Variants in GRIK1 observed in about 807,000 individuals in gnomAD.
GRIK1 encodes glutamate receptor ionotropic, kainate 1.
GRIK1 carries 69 observed loss-of-function variants against 105.7 expected under a neutral mutation model. The ratio of observed to expected loss-of-function variants is 0.65; its 90% confidence interval spans 0.54 to 0.80. The LOEUF is 0.80. GRIK1 is among the 30% of genes least tolerant of loss of function. The probability of loss-of-function intolerance (pLI) is 0.00; values close to 1 mark genes in which losing one functional copy is unlikely to be tolerated. For missense variants in GRIK1, 1,109 were observed against 1,167.3 expected (o/e 0.95, Z 0.73); for synonymous variants, 438 against 431.3 (o/e 1.02, Z -0.19).
chr21:29,603,523 A>T (rs1202699809), intron 7 of GRIK1, among the ~76,000 whole-genome samples: 3 of 152,146 alleles, frequency 2.0e-5, no homozygotes, highest in Non-Finnish European at 2.9e-5. Context: ...TGGGACAAAA[A>T]CTATCAGCAA....
At chr21:29,605,162 G>T (rs141724493) in intron 7 of GRIK1, among the ~76,000 whole-genome samples, 2 of 151,972 alleles carry the variant, frequency 1.3e-5, no homozygotes, top group Admixed American at 6.6e-5. Flanking sequence ...TCATCCCATC[G>T]CCTAAGTATT....
chr21:29,650,915 C>T (rs941034847), intron 6 of GRIK1, among the ~76,000 whole-genome samples: 10 of 152,190 alleles, frequency 6.6e-5, no homozygotes, highest in East Asian at 1.9e-4. Context: ...GGGGCAAGTA[C>T]ATCCAGGAAG....
chr21:29,647,986 A>T (rs761492299), intron 6 of GRIK1, among the ~76,000 whole-genome samples: 1 of 152,130 alleles, frequency 6.6e-6, no homozygotes, highest in Non-Finnish European at 1.5e-5. Flanking sequence ...GTCTGGTGTC[A>T]AGACTTTTTG....
intron 1 of GRIK1, among the ~76,000 whole-genome samples, chr21:29,923,429 G>C (rs763636545): frequency 1.3e-5 from 2 of 152,178 alleles, no homozygotes; most frequent in Non-Finnish European, 2.9e-5. Flanking sequence ...AACTCAATTT[G>C]TAGCTCAGCA....
intron 1 of GRIK1, among the ~76,000 whole-genome samples, chr21:29,773,990 C>T (rs557330849): frequency 6.6e-6 from 1 of 152,244 alleles, no homozygotes; most frequent in South Asian, 2.1e-4. Context: ...TGTAGCCAGA[C>T]CATATCTCTA....
At chr21:29,811,325 C>T (rs191771838) in intron 1 of GRIK1, among the ~76,000 whole-genome samples, 7 of 152,132 alleles carry the variant, frequency 4.6e-5, no homozygotes, top group East Asian at 1.9e-4. Flanking sequence ...GCACTCTGTC[C>T]GTAATAACTC....
chr21:29,888,155 TTTC>T (rs1253847369), intron 1 of GRIK1, among the ~76,000 whole-genome samples: 1 of 83,396 alleles, frequency 1.2e-5, no homozygotes, highest in Non-Finnish European at 2.4e-5. Context: ...CCCTCCCTCC[TTTC>T]TTTTTTCTTT....
chr21:29,600,083 TAAAACA>T (rs1211161911), intron 7 of GRIK1, among the ~76,000 whole-genome samples: 1 of 152,160 alleles, frequency 6.6e-6, no homozygotes, highest in Non-Finnish European at 1.5e-5. Flanking sequence ...AGACTCCGTC[TAAAACA>T]AAAACAAAAA....
intron 1 of GRIK1, among the ~76,000 whole-genome samples, chr21:29,865,808 T>C (rs2068782643): frequency 6.6e-6 from 1 of 152,232 alleles, no homozygotes; most frequent in African/African-American, 2.4e-5. Context: ...ACCAAGTCAT[T>C]CCAGTTTTCA....
chr21:29,818,888 G>A (rs2067225542), intron 1 of GRIK1, among the ~76,000 whole-genome samples: 1 of 152,050 alleles, frequency 6.6e-6, no homozygotes, highest in Non-Finnish European at 1.5e-5. Flanking sequence ...CTATGAATGT[G>A]GAATATGGCC....
At chr21:29,795,384 G>T (rs1817859632) in intron 1 of GRIK1, among the ~76,000 whole-genome samples, 1 of 151,882 alleles carries the variant, frequency 6.6e-6, no homozygotes, top group Non-Finnish European at 1.5e-5. Flanking sequence ...ATTTTTCCCT[G>T]ATCTTTTACA....
At chr21:29,690,426 T>G (rs2063564226) in intron 2 of GRIK1, among the ~76,000 whole-genome samples, 1 of 152,344 alleles carries the variant, frequency 6.6e-6, no homozygotes, top group African/African-American at 2.4e-5. Flanking sequence ...GTAGAACCTC[T>G]CGGTAACTAC....
At chr21:29,792,756 T>A (rs1362017305) in intron 1 of GRIK1, among the ~76,000 whole-genome samples, 1 of 152,194 alleles carries the variant, frequency 6.6e-6, no homozygotes, top group African/African-American at 2.4e-5. Flanking sequence ...AGTTGCAAGG[T>A]ACACCTATTC....
chr21:29,650,531 C>A (rs1345026828), intron 6 of GRIK1, among the ~76,000 whole-genome samples: 1 of 152,138 alleles, frequency 6.6e-6, no homozygotes, highest in African/African-American at 2.4e-5. Context: ...TGAGGCAGTT[C>A]GCAATGTATC....
intron 1 of GRIK1, among the ~76,000 whole-genome samples, chr21:29,778,118 C>A (rs767256877): frequency 6.6e-6 from 1 of 152,128 alleles, no homozygotes. Flanking sequence ...TAGAACCTAG[C>A]GTGCAGTTCT....
chr21:29,932,928 AAAC>A (rs1468545792), intron 1 of GRIK1, among the ~76,000 whole-genome samples: 2 of 151,772 alleles, frequency 1.3e-5, no homozygotes, highest in Non-Finnish European at 2.9e-5. Flanking sequence ...GTAAAAAAAA[AAAC>A]GAGAAAAAGA....
intron 1 of GRIK1, among the ~76,000 whole-genome samples, chr21:29,772,440 T>C (rs1400290805): frequency 2.0e-5 from 3 of 152,238 alleles, no homozygotes; most frequent in Non-Finnish European, 4.4e-5. Flanking sequence ...TACACTAGTG[T>C]AAACCATTTC....
chr21:29,758,496 A>G (rs562144084), intron 1 of GRIK1, among the ~76,000 whole-genome samples: 2 of 152,234 alleles, frequency 1.3e-5, no homozygotes, highest in East Asian at 1.9e-4. Flanking sequence ...CCAAAATTCA[A>G]TTACCTCCAT....
chr21:29,906,624 T>C (rs955964000), intron 1 of GRIK1, among the ~76,000 whole-genome samples: 1 of 152,014 alleles, frequency 6.6e-6, no homozygotes, highest in Non-Finnish European at 1.5e-5. Flanking sequence ...GTTTAAGAAA[T>C]AGTTGAAGGC....
Sources: allele counts gnomAD v4.1 joint callset (sites outside exome capture counted in the v4.1 genomes callset), GRCh38; gene constraint gnomAD v4.1.1; transcripts MANE v1.5; gene names NCBI Gene and HGNC (gene_info 2026-07-23, HGNC 2026-07-21).